TRPM3: variants seen among roughly 807,000 people sequenced by gnomAD.
The protein encoded by TRPM3 is transient receptor potential cation channel subfamily M member 3, also known as long transient receptor potential channel 3.
Under a neutral mutation model 181.2 loss-of-function variants are expected in TRPM3, and 77 were observed. That is an observed-to-expected ratio of 0.42 (90% CI 0.35 to 0.51). The LOEUF (loss-of-function observed/expected upper bound fraction) is 0.51. Among genes scored for constraint, TRPM3 ranks in the 20% least tolerant of loss-of-function variants. The pLI is 0.01. For missense variants in TRPM3, 1,759 were observed against 2,196.7 expected (o/e 0.80, Z 3.98); for synonymous variants, 745 against 796.4 (o/e 0.94, Z 1.09).
chr9:70,939,486 T>C (rs905801525), intron 1 of TRPM3, among the ~76,000 whole-genome samples: 1 of 152,230 alleles, frequency 6.6e-6, no homozygotes, highest in Non-Finnish European at 1.5e-5. Flanking sequence ...AGGATCTGAA[T>C]AGCAACAGCA....
intron 9 of TRPM3, among the ~76,000 whole-genome samples, chr9:70,665,538 C>A (rs1228370848): frequency 6.6e-6 from 1 of 152,170 alleles, no homozygotes; most frequent in Non-Finnish European, 1.5e-5. Flanking sequence ...TTATTGTGCC[C>A]TCTGCCATAA....
At chr9:70,878,431 T>C (rs904560811) in intron 1 of TRPM3, among the ~76,000 whole-genome samples, 16 of 152,054 alleles carry the variant, frequency 1.1e-4, no homozygotes, top group African/African-American at 3.1e-4. Flanking sequence ...CTCAAAAATA[T>C]CTGTTGAACA....
At chr9:71,354,632 A>G (rs920316476) in intron 1 of TRPM3, among the ~76,000 whole-genome samples, 1 of 152,240 alleles carries the variant, frequency 6.6e-6, no homozygotes, top group African/African-American at 2.4e-5. Flanking sequence ...CAGAATCATT[A>G]TTTGTAATCA....
At chr9:71,223,631 G>A (rs1441535524) in intron 1 of TRPM3, among the ~76,000 whole-genome samples, 1 of 152,202 alleles carries the variant, frequency 6.6e-6, no homozygotes, top group Non-Finnish European at 1.5e-5. Flanking sequence ...CTTGGCTCTT[G>A]GACAGCAATT....
Position 70,625,284 on chromosome 9 carries a change from C to CA in TRPM3, c.1715dup (p.Val573GlyfsTer43). On this transcript the variant is annotated frameshift_variant, in exon 14 of 26. Coordinates refer to ENST00000677713, the MANE Select transcript of TRPM3 (RefSeq NM_001366145.2). LOFTEE classifies it high-confidence loss of function. The surrounding 1 kb of genome is among the most constrained non-coding windows in gnomAD (Gnocchi z 4.8). ...CCCCGCCCATCAGGTACTCGATCACCAGGCCGATGTCAATCAGGCTGATTC... is the reference window on the plus strand; with the variant it reads ...CCCCGCCCATCAGGTACTCGATCACCAAGGCCGATGTCAATCAGGCTGATTC... The CA allele has an allele frequency of 1.2e-6, 2 of 1,614,186 alleles. No individual in the cohort carries two copies. The highest frequency in any genetic ancestry group is 1.7e-6 in the Non-Finnish European group (2 of 1,180,032).
In TRPM3 at chr9:70,559,074, T is replaced by A. The variant is rs559724849; in HGVS notation, c.3224-5764A>T. Among the ~76,000 whole-genome samples the A allele has an allele frequency of 2.6e-5, 4 of 152,328 alleles. No individual in the cohort carries two copies. In the South Asian group the frequency reaches 8.3e-4, roughly 32 times the overall value. On this transcript the variant is annotated intron_variant, in intron 22 of 25. Coordinates refer to ENST00000677713, the MANE Select transcript of TRPM3 (RefSeq NM_001366145.2). ...CACAGCCTTCCAATGGTTGAAATGT[T>A]TTTCATACATAAACTTTTATAATAA... is the stretch of plus-strand genomic sequence containing the variant.
At chr9:71,320,561 A>G (rs2089125032) in intron 1 of TRPM3, among the ~76,000 whole-genome samples, 1 of 152,152 alleles carries the variant, frequency 6.6e-6, no homozygotes, top group African/African-American at 2.4e-5. Flanking sequence ...CCAACCCTGG[A>G]CACCTCATTG....
intron 1 of TRPM3, among the ~76,000 whole-genome samples, chr9:71,076,363 C>T (rs1411217906): frequency 6.6e-6 from 1 of 152,148 alleles, no homozygotes; most frequent in Non-Finnish European, 1.5e-5. Context: ...AACTAATGTG[C>T]CACAGAATGA....
intron 10 of TRPM3, among the ~76,000 whole-genome samples, chr9:70,640,123 C>T (rs1043705439): frequency 6.6e-6 from 1 of 152,154 alleles, no homozygotes; most frequent in African/African-American, 2.4e-5. Context: ...GCTCAGTCAC[C>T]AGGACCAGAT....
chr9:70,985,842 A>C (rs757786246), intron 1 of TRPM3, among the ~76,000 whole-genome samples: 1 of 152,222 alleles, frequency 6.6e-6, no homozygotes, highest in Non-Finnish European at 1.5e-5. Flanking sequence ...AGCGAGAATG[A>C]GGCACTGGGT....
intron 1 of TRPM3, among the ~76,000 whole-genome samples, chr9:71,191,183 A>C (rs982353101): frequency 6.6e-6 from 1 of 151,826 alleles, no homozygotes; most frequent in Non-Finnish European, 1.5e-5. Flanking sequence ...CCTCTTAAAC[A>C]TAAAGCTGTA....
intron 8 of TRPM3, among the ~76,000 whole-genome samples, chr9:70,740,527 G>GA (rs1395612222): frequency 6.6e-6 from 1 of 152,012 alleles, no homozygotes; most frequent in Non-Finnish European, 1.5e-5. Context: ...GCCAAGGCAA[G>GA]ACTAAGCAAA....
intron 1 of TRPM3, among the ~76,000 whole-genome samples, chr9:71,151,041 A>G (rs1210952896): frequency 6.6e-6 from 1 of 152,196 alleles, no homozygotes; most frequent in African/African-American, 2.4e-5. Flanking sequence ...TTTGATCTCT[A>G]TCTATTCTCT....
chr9:70,980,181 TGTG>T (rs1388084074), intron 1 of TRPM3, among the ~76,000 whole-genome samples: 1 of 151,992 alleles, frequency 6.6e-6, no homozygotes, highest in African/African-American at 2.4e-5. Flanking sequence ...AGTCAGGCGT[TGTG>T]GTGCCAACCG....
At chr9:71,140,396 A>G (rs1412178829) in intron 1 of TRPM3, among the ~76,000 whole-genome samples, 3 of 152,108 alleles carry the variant, frequency 2.0e-5, no homozygotes, top group African/African-American at 2.4e-5. Flanking sequence ...TTTCATTTCC[A>G]AAAGACATAG....
intron 1 of TRPM3, among the ~76,000 whole-genome samples, chr9:71,171,956 T>C (rs951806335): frequency 9.9e-5 from 15 of 152,122 alleles, no homozygotes; most frequent in Non-Finnish European, 2.1e-4. Context: ...TAGAGTGCAG[T>C]GGCGTGATCA....
intron 1 of TRPM3, among the ~76,000 whole-genome samples, chr9:70,923,172 C>CA (rs1383490377): frequency 3.3e-5 from 5 of 151,942 alleles, no homozygotes; most frequent in Non-Finnish European, 7.4e-5. Context: ...TTAATAAAAA[C>CA]AAAAAAAGCC....
chr9:71,120,909 G>A (rs2073496050), intron 1 of TRPM3, among the ~76,000 whole-genome samples: 1 of 151,922 alleles, frequency 6.6e-6, no homozygotes, highest in Admixed American at 6.6e-5. Context: ...AAGGGGTGGG[G>A]GAGCACCAGG....
At chr9:71,168,559 T>A (rs761453823) in intron 1 of TRPM3, among the ~76,000 whole-genome samples, 2 of 105,682 alleles carry the variant, frequency 1.9e-5, no homozygotes, top group African/African-American at 7.2e-5. Flanking sequence ...TTTATTTATT[T>A]ATTTATTTAT....
Sources: gnomAD v4.1 joint callset for allele counts (sites outside exome capture counted in the v4.1 genomes callset) on GRCh38, gnomAD v4.1.1 for gene constraint, Gnocchi (gnomAD v3.1) non-coding constraint, MANE v1.5 for transcripts, NCBI Gene and HGNC (gene_info 2026-07-23, HGNC 2026-07-21) for gene names.